Variants in TNFRSF9 observed in about 807,000 individuals in gnomAD.
TNFRSF9 encodes the protein TNF receptor superfamily member 9.
TNFRSF9 carries 16 observed loss-of-function variants against 28.8 expected under a neutral mutation model. The observed-to-expected ratio is 0.55, with a 90% CI of 0.38 to 0.84. TNFRSF9 has a LOEUF of 0.84. Among genes scored for constraint, TNFRSF9 ranks in the 40% least tolerant of loss-of-function variants. The pLI is 0.00. For missense variants in TNFRSF9, 303 were observed against 315.0 expected (o/e 0.96, Z 0.29); for synonymous variants, 131 against 117.0 (o/e 1.12, Z -0.77).
chr1:7,928,279 G>A (rs772850366), intron 7 of TNFRSF9, among the ~76,000 whole-genome samples: 4 of 152,164 alleles, frequency 2.6e-5, no homozygotes, highest in Non-Finnish European at 5.9e-5. Context: ...CCCAGCAATT[G>A]CACTCCTGAG....
chr1:7,922,815 A>G (rs1162929311), intron 7 of TNFRSF9, among the ~76,000 whole-genome samples: 2 of 151,926 alleles, frequency 1.3e-5, no homozygotes, highest in African/African-American at 2.4e-5. Context: ...CCATCTCAAA[A>G]AAACACATAA....
At chr1:7,939,541 G>T (rs578064054) in intron 2 of TNFRSF9, among the ~76,000 whole-genome samples, 4 of 152,050 alleles carry the variant, frequency 2.6e-5, no homozygotes, top group Admixed American at 2.6e-4. Flanking sequence ...CCTTTACTAC[G>T]CGCTTACTCG....
chr1:7,938,357 T>G, intron 3 of TNFRSF9, 27 bp from the exon 4 acceptor site: 1 of 1,566,254 alleles, frequency 6.4e-7, no homozygotes, highest in Non-Finnish European at 8.7e-7. Context: ...GCCCCCAACA[T>G]TTTATTACAC....
intron 7 of TNFRSF9, among the ~76,000 whole-genome samples, chr1:7,926,964 C>G (rs1639665325): frequency 6.6e-6 from 1 of 152,118 alleles, no homozygotes. Flanking sequence ...TGGCTCACAC[C>G]TGTAATCCCA....
chr1:7,940,513 C>T (rs998598985), intron 1 of TNFRSF9, among the ~76,000 whole-genome samples: 16 of 152,182 alleles, frequency 1.1e-4, no homozygotes, highest in African/African-American at 3.9e-4. Context: ...TTTAGCTGAA[C>T]ACCTAACTAC....
At chr1:7,931,100 G>A (rs1416613534) in intron 7 of TNFRSF9, among the ~76,000 whole-genome samples, 2 of 152,122 alleles carry the variant, frequency 1.3e-5, no homozygotes, top group Non-Finnish European at 2.9e-5. Context: ...CCACCATATC[G>A]ATAAAAATAA....
Position 7,918,934 on chromosome 1 carries a change from GA to G in TNFRSF9, c.*1900del, listed in dbSNP as rs1639519043. ...GGGAGTACATTAGAACAGCCACTTT[GA>G]AAAGCAATTTGGTACTGCAGTAGAC... On this transcript the variant is annotated 3_prime_UTR_variant, in exon 8 of 8. Coordinates refer to ENST00000377507, the MANE Select transcript of TNFRSF9 (RefSeq NM_001561.6). 6.6e-6 allele frequency: 1 copy of G among 152,136 alleles called. No homozygotes were observed. The highest frequency in any genetic ancestry group is 1.5e-5 in the Non-Finnish European group (1 of 68,030). 9.4% of individuals were successfully genotyped at this position (152,136 alleles called of 1,614,324 possible). A position where few individuals can be genotyped will look rare whatever the true frequency, so the allele number is the denominator to read the frequency against.
chr1:7,934,662 C>A (rs1306373343), intron 6 of TNFRSF9, among the ~76,000 whole-genome samples: 1 of 147,830 alleles, frequency 6.8e-6, no homozygotes, highest in Non-Finnish European at 1.5e-5. Flanking sequence ...TGAGCTGAGA[C>A]TGCACCACTG....
In TNFRSF9 at chr1:7,938,339, TC is replaced by T; in HGVS notation, c.209-10del. On this transcript the variant is annotated splice_polypyrimidine_tract_variant and intron_variant, in intron 3 of 7. Transcript: ENST00000377507. Reference sequence around the variant, plus strand: ...CCTGGTCCTGAAAACACCTACAAAGTCCCCCCAGCCCCCAACATTTTATTAC... The same window carrying T: ...CCTGGTCCTGAAAACACCTACAAAGTCCCCCAGCCCCCAACATTTTATTAC... 8 of 1,593,500 alleles carry T rather than the reference TC, an allele frequency of 5.0e-6. No homozygotes were observed. The highest frequency in any genetic ancestry group is 1.8e-5 in the Admixed American group (1 of 56,510).
chr1:7,940,279 C>T (rs573638536), intron 1 of TNFRSF9, among the ~76,000 whole-genome samples: 51 of 152,242 alleles, frequency 3.3e-4, no homozygotes, highest in African/African-American at 1.2e-3. Flanking sequence ...AGCTTTGTGC[C>T]GGTTTGCCAA....
intron 7 of TNFRSF9, 27 bp downstream of exon 7, chr1:7,933,135 G>A (rs773873671): frequency 6.3e-7 from 1 of 1,576,082 alleles, no homozygotes; most frequent in South Asian, 1.2e-5. Context: ...CCTTGCCAGA[G>A]CTGTAATATG....
intron 7 of TNFRSF9, among the ~76,000 whole-genome samples, chr1:7,927,374 T>C (rs1032109283): frequency 7.2e-5 from 11 of 152,220 alleles, no homozygotes; most frequent in Non-Finnish European, 1.0e-4. Flanking sequence ...ACTATCTCTT[T>C]TGCCTAATAA....
chr1:7,929,967 C>CAT (rs538172319), intron 7 of TNFRSF9, among the ~76,000 whole-genome samples: 1 of 113,110 alleles, frequency 8.8e-6, no homozygotes, highest in Non-Finnish European at 1.7e-5. Flanking sequence ...GACCTAAAAC[C>CAT]TTTTTTTTTT....
intron 5 of TNFRSF9, among the ~76,000 whole-genome samples, 177 bp downstream of exon 5, chr1:7,937,513 T>A (rs1278075468): frequency 1.3e-5 from 2 of 152,146 alleles, no homozygotes; most frequent in African/African-American, 2.4e-5. Flanking sequence ...CTGGAGAAAA[T>A]GCCCACTTTG....
intron 7 of TNFRSF9, among the ~76,000 whole-genome samples, chr1:7,928,408 A>G (rs1426759519): frequency 2.6e-5 from 4 of 152,254 alleles, no homozygotes; most frequent in African/African-American, 9.6e-5. Context: ...TAATGGGTGC[A>G]TGGTAAAACA....
At chr1:7,937,357 G>T (rs777956389) in intron 5 of TNFRSF9, among the ~76,000 whole-genome samples, 2 of 152,108 alleles carry the variant, frequency 1.3e-5, no homozygotes, top group African/African-American at 2.4e-5. Context: ...TGTAGAGACA[G>T]GGTCTCACCC....
At chr1:7,928,735 C>T (rs1345670686) in intron 7 of TNFRSF9, among the ~76,000 whole-genome samples, 6 of 152,074 alleles carry the variant, frequency 3.9e-5, no homozygotes, top group Admixed American at 6.6e-5. Flanking sequence ...CTACTATAGC[C>T]GGGCATGGTG....
intron 5 of TNFRSF9, 49 bp downstream of exon 5, chr1:7,937,641 A>T (rs751307671): frequency 2.6e-6 from 4 of 1,527,152 alleles, no homozygotes; most frequent in Non-Finnish European, 3.6e-6. Flanking sequence ...TCTTCCAAAA[A>T]ATTTAACCCA....
chr1:7,931,296 G>A (rs763196586), intron 7 of TNFRSF9, among the ~76,000 whole-genome samples: 1 of 152,210 alleles, frequency 6.6e-6, no homozygotes, highest in Non-Finnish European at 1.5e-5. Context: ...CCAGAAACAC[G>A]TGTTTACGTG....
Sources: gnomAD v4.1 joint callset for allele counts (sites outside exome capture counted in the v4.1 genomes callset) on GRCh38, gnomAD v4.1.1 for gene constraint, MANE v1.5 for transcripts, NCBI Gene and HGNC (gene_info 2026-07-23, HGNC 2026-07-21) for gene names.